The following DOCK9 variants were observed in gnomAD, a reference collection of about 807,000 sequenced individuals.
The protein encoded by DOCK9 is dedicator of cytokinesis 9, also known as dedicator of cytokinesis protein 9.
A neutral mutation model predicts 263.3 loss-of-function variants in DOCK9; 89 were observed. The observed-to-expected ratio is 0.34, with a 90% CI of 0.28 to 0.40. The LOEUF (loss-of-function observed/expected upper bound fraction) is 0.40, where lower values mean the gene tolerates loss of function less well. DOCK9 is among the 10% of genes least tolerant of loss of function. The pLI is 1.00. For missense variants in DOCK9, 2,140 were observed against 2,603.4 expected, an observed-to-expected ratio of 0.82 and a Z score of 3.87; for synonymous variants, 976 against 973.1, an observed-to-expected ratio of 1.00 and a Z score of -0.06.
At chr13:98,949,845 G>T in intron 2 of DOCK9, 2 of 481,496 alleles carry the variant, frequency 4.2e-6, no homozygotes, top group South Asian at 1.6e-5. Context: ...CAAGACCCAT[G>T]AGATCTCCTG....
At chr13:98,945,367 A>C (rs1316876155) in intron 2 of DOCK9, among the ~76,000 whole-genome samples, 1 of 152,184 alleles carries the variant, frequency 6.6e-6, no homozygotes, top group Non-Finnish European at 1.5e-5. Flanking sequence ...ACCATGGTCC[A>C]TGTTGTCACT....
At chr13:99,028,401 A>AC (rs1349405137) in intron 1 of DOCK9, among the ~76,000 whole-genome samples, 1 of 152,200 alleles carries the variant, frequency 6.6e-6, no homozygotes, top group Non-Finnish European at 1.5e-5. Context: ...AAAAGGCAGG[A>AC]CCACTGAGAA....
At chr13:98,848,201 G>A (rs896787422) in intron 37 of DOCK9, among the ~76,000 whole-genome samples, 5 of 152,100 alleles carry the variant, frequency 3.3e-5, no homozygotes, top group Middle Eastern at 3.2e-3. Flanking sequence ...GTTGGGAGCA[G>A]GAACAGTCAA....
chr13:98,954,776 A>C (rs936477859), intron 2 of DOCK9, among the ~76,000 whole-genome samples: 18 of 152,130 alleles, frequency 1.2e-4, no homozygotes, highest in Non-Finnish European at 2.6e-4. Context: ...TGGCCAAAAA[A>C]TCTAAATCAA....
chr13:99,081,452 T>C (rs1415074669), intron 1 of DOCK9, among the ~76,000 whole-genome samples: 2 of 152,200 alleles, frequency 1.3e-5, no homozygotes, highest in South Asian at 2.1e-4. Context: ...GTGGCATCAC[T>C]GGCAAGTGCT....
At chr13:98,878,369 T>A (rs1469342878) in intron 27 of DOCK9, among the ~76,000 whole-genome samples, 1 of 152,232 alleles carries the variant, frequency 6.6e-6, no homozygotes, top group African/African-American at 2.4e-5. Context: ...TACAGTTCAG[T>A]GGTAATAAAC....
intron 1 of DOCK9, among the ~76,000 whole-genome samples, chr13:99,064,117 G>A (rs1455627130): frequency 1.3e-5 from 2 of 152,156 alleles, no homozygotes; most frequent in African/African-American, 4.8e-5. Context: ...CCTCACAGAT[G>A]TCCTGGTCAA....
chr13:99,026,139 C>T (rs557960047), intron 1 of DOCK9, among the ~76,000 whole-genome samples: 7 of 148,782 alleles, frequency 4.7e-5, no homozygotes, highest in East Asian at 2.0e-4. Context: ...AGCAGAGTTC[C>T]GGGGTGATGG....
upstream of DOCK9, among the ~76,000 whole-genome samples, chr13:98,979,081 G>C (rs1262524444): frequency 6.6e-6 from 1 of 152,040 alleles, no homozygotes; most frequent in African/African-American, 2.4e-5. Flanking sequence ...GTTACTCTGA[G>C]TATTTCCTGG....
intron 15 of DOCK9, among the ~76,000 whole-genome samples, chr13:98,894,955 T>TAA (rs1341342023): frequency 5.6e-4 from 2 of 3,584 alleles, no homozygotes; most frequent in Non-Finnish European, 8.4e-4. Context: ...TCTACTAAAA[T>TAA]ACAAAAAAAA....
At chr13:99,078,128 T>G (rs185108244) in intron 1 of DOCK9, among the ~76,000 whole-genome samples, 77 of 152,176 alleles carry the variant, frequency 5.1e-4, no homozygotes, top group African/African-American at 1.8e-3. Context: ...GATGCTGAAC[T>G]TAAGGAGCTG....
chr13:98,797,038 C>A lies in DOCK9; in HGVS notation c.6156+77G>T. 2.0e-6 allele frequency: 3 copies of A among 1,475,514 alleles called. No homozygotes were observed. The South Asian group carries it at 3.5e-5, about 17-fold the overall frequency. The allele number at this position is 1,475,514 out of a possible 1,614,324, so 91.4% of individuals were successfully genotyped here. A position where few individuals can be genotyped will look rare whatever the true frequency, so the allele number is the denominator to read the frequency against. ...GTCACAGTTCTGGAAGGATATCAGG[C>A]GGCCTAAGTCATGATAGGGTGTACT... On this transcript the variant is annotated intron_variant, in intron 52 of 52. Transcript: ENST00000682017.
In DOCK9 at chr13:98,894,699, T is replaced by C. The variant is rs535308500; in HGVS notation, c.1709+2789A>G. The stretch of plus-strand genomic sequence containing the variant: ...AAACTCAAAAAATGACAATAATTAC[T>C]ATATGATAATATAGTATGTATGATA... On this transcript the variant is annotated intron_variant, in intron 15 of 52. Transcript: ENST00000682017. Among the ~76,000 whole-genome samples, 22 of 152,036 alleles carry C rather than the reference T, an allele frequency of 1.4e-4. No individual in the cohort carries two copies. The South Asian group carries it at 4.4e-3, about 30-fold the overall frequency.
Position 98,865,647 on chromosome 13 carries a change from A to G in DOCK9, c.3286+1778T>C, listed in dbSNP as rs373333987. On this transcript the variant is annotated intron_variant, in intron 30 of 52. Transcript: ENST00000682017. Reference sequence around the variant, plus strand: ...CATGGGGAGATGGGCATCAGCACACATTCACTACACAGCCACTGGGCAAAA... The same window carrying G: ...CATGGGGAGATGGGCATCAGCACACGTTCACTACACAGCCACTGGGCAAAA... 1.4e-3 allele frequency among the ~76,000 whole-genome samples: 215 copies of G among 152,282 alleles called. 6 individuals carry two copies. The South Asian group carries it at 0.043, about 30-fold the overall frequency.
intron 1 of DOCK9, among the ~76,000 whole-genome samples, chr13:99,008,867 C>T (rs1883966182): frequency 6.6e-6 from 1 of 152,148 alleles, no homozygotes. Flanking sequence ...TAATTACCTC[C>T]TAAAGACCCT....
chr13:98,863,088 A>G lies in DOCK9; in HGVS notation c.3510T>C (p.Gly1170=). 1 of 1,611,878 alleles carries G rather than the reference A, an allele frequency of 6.2e-7. No individual in the cohort carries two copies. The highest frequency in any genetic ancestry group is 8.5e-7 in the Non-Finnish European group (1 of 1,179,064). ...TCCGCTGGACGTTTTCAATCAGCAG[A>G]CCAAACAGAGGCAGGTAGAGGGTGG... The part of the protein sequence containing the change: ...RIATLYLPLF[G]LLIENVQRIN... The change falls in exon 32 of 53, where the codon GGT becomes GGC. Residue 1170 remains glycine, a synonymous_variant. Transcript: ENST00000682017.
Position 98,794,460 on chromosome 13 carries a change from A to AG in DOCK9, c.*165_*166insC. 1.4e-6 allele frequency: 1 copy of AG among 723,850 alleles called. No individual in the cohort carries two copies. 44.8% of individuals were successfully genotyped at this position (723,850 alleles called of 1,614,324 possible). The stretch of plus-strand genomic sequence containing the variant: ...TAAAAAAATATGTGCACCTTCTTAC[A>AG]ACTCCTATAGAAAGTCTGTTAAGAA... On this transcript the variant is annotated 3_prime_UTR_variant, in exon 53 of 53. Transcript: ENST00000682017.
rs967462978 is a variant in DOCK9 at position 98,825,119 on chromosome 13, C to G, written c.5024-615G>C. On this transcript the variant is annotated intron_variant, in intron 44 of 52. Transcript: ENST00000682017. This position sits in a 1 kb window ranked among gnomAD's most constrained non-coding sequence, Gnocchi z 4.1. ...GCATGGATGCCTGGGCACTCTGATT[C>G]TCCAAGAGGAAATGGTGTTAGCTTA... is the stretch of plus-strand genomic sequence containing the variant. 1.3e-5 allele frequency among the ~76,000 whole-genome samples: 2 copies of G among 152,208 alleles called. No individual in the cohort carries two copies. The highest frequency in any genetic ancestry group is 2.9e-5 in the Non-Finnish European group (2 of 68,040).
intron 2 of DOCK9, among the ~76,000 whole-genome samples, chr13:98,931,857 C>T (rs2054001306): frequency 1.3e-5 from 2 of 149,942 alleles, no homozygotes; most frequent in African/African-American, 4.9e-5. Context: ...CTCACACTCC[C>T]AAAGCACTAG....
Sources: gnomAD v4.1 joint callset for allele counts (sites outside exome capture counted in the v4.1 genomes callset) on GRCh38, gnomAD v4.1.1 for gene constraint, Gnocchi (gnomAD v3.1) non-coding constraint, MANE v1.5 for transcripts, NCBI Gene and HGNC (gene_info 2026-07-23, HGNC 2026-07-21) for gene names.